ERCC6: variants seen among roughly 807,000 people sequenced by gnomAD.
The protein encoded by ERCC6 is DNA excision repair protein ERCC-6.
A neutral mutation model predicts 158.7 loss-of-function variants in ERCC6; 116 were observed. That is an observed-to-expected ratio of 0.73 (90% CI 0.63 to 0.85). The LOEUF is 0.85. Among genes scored for constraint, ERCC6 ranks in the 40% least tolerant of loss-of-function variants. ERCC6 has a pLI of 0.00. For synonymous variants in ERCC6, 678 were observed against 659.3 expected (o/e 1.03, Z -0.43); for missense variants, 1,698 against 1,799.4 (o/e 0.94, Z 1.02).
In ERCC6 at chr10:49,458,810, G is replaced by C. The variant is rs1225660550; in HGVS notation, c.*5C>G. On this transcript the variant is annotated 3_prime_UTR_variant, in exon 21 of 21. Coordinates refer to ENST00000355832, the MANE Select transcript of ERCC6 (RefSeq NM_000124.4). ...GGGACTTGAAAGTTTAGGAAGCAAT[G>C]TTGTTTAGCAGTATTCTGGCTTGAG... 6.2e-7 allele frequency: 1 copy of C among 1,613,978 alleles called. No individual in the cohort carries two copies. Among genetic ancestry groups the C allele is most frequent in the East Asian group, 2.2e-5 (1 of 44,880 alleles).
At chr10:49,520,794 G>C (rs1346920551) in intron 5 of ERCC6, among the ~76,000 whole-genome samples, 2 of 152,278 alleles carry the variant, frequency 1.3e-5, no homozygotes, top group African/African-American at 2.4e-5. Flanking sequence ...CAGCCTCTCT[G>C]CACATTGTGG....
intron 7 of ERCC6, among the ~76,000 whole-genome samples, chr10:49,498,544 G>T (rs1049588085): frequency 1.3e-5 from 2 of 152,160 alleles, no homozygotes; most frequent in African/African-American, 4.8e-5. Context: ...GAGGAGCCCA[G>T]GTGTTTGTGG....
Position 49,456,375 on chromosome 10 carries a change from G to A in ERCC6, c.*2440C>T, listed in dbSNP as rs1454116172. ...GGCCAATTGGGAAGTTTAAAACTTA[G>A]TCATATGGCCACAATTAACTATAAG... On this transcript the variant is annotated 3_prime_UTR_variant, in exon 21 of 21. Transcript: ENST00000355832. 1 of 152,194 alleles carries A rather than the reference G, an allele frequency of 6.6e-6. No individual in the cohort carries two copies. Among genetic ancestry groups the A allele is most frequent in the East Asian group, 1.9e-4 (1 of 5,192 alleles). The allele number at this position is 152,194 out of a possible 1,614,324, so 9.4% of individuals were successfully genotyped here.
intron 10 of ERCC6, 103 bp downstream of exon 10, chr10:49,482,584 C>T: frequency 1.1e-6 from 1 of 887,538 alleles, no homozygotes. Context: ...ATGAGCCTGG[C>T]CATCTTTCTC....
intron 8 of ERCC6, among the ~76,000 whole-genome samples, chr10:49,486,258 G>A (rs1851076297): frequency 6.6e-6 from 1 of 152,076 alleles, no homozygotes; most frequent in Admixed American, 6.5e-5. Flanking sequence ...CATTTACAAA[G>A]AGGATGCAAA....
rs761366414 is a variant in ERCC6, at chr10:49,505,944, C to G, written c.1466G>C (p.Ser489Thr). The G allele has an allele frequency of 6.2e-7, 1 of 1,613,534 alleles. No individual in the cohort carries two copies. The highest frequency in any genetic ancestry group is 2.2e-5 in the East Asian group (1 of 44,858). The change falls in exon 6 of 21, where the codon AGT becomes ACT. Residue 489 changes from serine to threonine, a missense_variant. By Grantham distance (58) the Ser-to-Thr change is moderately conservative. Transcript: ENST00000355832. ...RLKLEDDSEESDAEFDEGFKV... is the reference protein window; with the variant it reads ...RLKLEDDSEETDAEFDEGFKV... ...AAAACCTTCGTCAAATTCAGCATCA[C>G]TTTCCTCAGAATCGTCCTCCAGCTT...
intron 6 of ERCC6, chr10:49,504,727 A>C (rs1355511994): frequency 6.6e-6 from 1 of 152,178 alleles, no homozygotes; most frequent in African/African-American, 2.4e-5. Context: ...GAGAAGCAAT[A>C]AACAAAGCAA....
At chr10:49,538,280 T>A (rs1837650194) in intron 1 of ERCC6, among the ~76,000 whole-genome samples, 1 of 152,064 alleles carries the variant, frequency 6.6e-6, no homozygotes, top group African/African-American at 2.4e-5. Flanking sequence ...AAGGGCCAAA[T>A]CACACAAGGC....
At chr10:49,463,033 T>TA (rs1850611627) in intron 18 of ERCC6, among the ~76,000 whole-genome samples, 1 of 152,214 alleles carries the variant, frequency 6.6e-6, no homozygotes, top group South Asian at 2.1e-4. Flanking sequence ...AATCCTCATA[T>TA]GTGGATAAAC....
intron 18 of ERCC6, among the ~76,000 whole-genome samples, chr10:49,468,911 A>C (rs544489749): frequency 2.6e-5 from 4 of 152,264 alleles, no homozygotes; most frequent in Admixed American, 2.6e-4. Flanking sequence ...AGCTTGAAGG[A>C]GCTCCCACCC....
chr10:49,492,482 A>G (rs571346258), intron 8 of ERCC6, among the ~76,000 whole-genome samples: 2 of 152,354 alleles, frequency 1.3e-5, no homozygotes, highest in East Asian at 3.9e-4. Flanking sequence ...CAGAGCTCAC[A>G]GTCTGGATGG....
In ERCC6 at chr10:49,487,595, C is replaced by T. The variant is rs4253155; in HGVS notation, c.1822-4079G>A. 1.3e-3 allele frequency among the ~76,000 whole-genome samples: 193 copies of T among 152,276 alleles called. 1 individual carries two copies. Among genetic ancestry groups the T allele is most frequent in the Middle Eastern group, 3.4e-3 (1 of 294 alleles). Reference sequence around the variant, plus strand: ...CCTTTAGCACCTCACCTGGTCAGACCTGCGACCTTTAGAAGCCAAAGCCGA... The same window carrying T: ...CCTTTAGCACCTCACCTGGTCAGACTTGCGACCTTTAGAAGCCAAAGCCGA... On this transcript the variant is annotated intron_variant, in intron 8 of 20. Coordinates refer to ENST00000355832, the MANE Select transcript of ERCC6 (RefSeq NM_000124.4).
chr10:49,485,627 A>G (rs1399981590), intron 8 of ERCC6, among the ~76,000 whole-genome samples: 10 of 152,306 alleles, frequency 6.6e-5, no homozygotes, highest in African/African-American at 2.4e-4. Flanking sequence ...GTAGAAAGGT[A>G]CACAGGCAAT....
chr10:49,491,409 A>G (rs1055796311), intron 8 of ERCC6, among the ~76,000 whole-genome samples: 1 of 152,248 alleles, frequency 6.6e-6, no homozygotes, highest in Non-Finnish European at 1.5e-5. Context: ...GTTTTTCCTC[A>G]AAAGTTAATT....
the ERCC6 span, among the ~76,000 whole-genome samples, chr10:49,439,549 C>T: frequency 6.6e-6 from 1 of 152,228 alleles, no homozygotes; most frequent in Non-Finnish European, 1.5e-5. Context: ...TCTGACATGT[C>T]CTGGAGACAT....
At position 49,470,806 on chromosome 10, in the gene ERCC6, T is replaced by C; in HGVS notation, c.3154A>G (p.Lys1052Glu). 1 of 1,614,226 alleles carries C rather than the reference T, an allele frequency of 6.2e-7. No individual in the cohort carries two copies. The highest frequency in any genetic ancestry group is 8.5e-7 in the Non-Finnish European group (1 of 1,180,026). ...PAFGADHDVPKRKKFPASNIS... is the reference protein window; with the variant it reads ...PAFGADHDVPERKKFPASNIS... ...TTAGAAGCAGGGAACTTCTTGCGTTTTGGAACATCATGGTCTGCTCCAAAG... is the reference window on the plus strand; with the variant it reads ...TTAGAAGCAGGGAACTTCTTGCGTTCTGGAACATCATGGTCTGCTCCAAAG... The change falls in exon 18 of 21, where the codon AAA becomes GAA. Residue 1052 changes from lysine to glutamate, a missense_variant. Transcript: ENST00000355832.
the ERCC6 span, among the ~76,000 whole-genome samples, chr10:49,444,960 C>G: frequency 2.0e-5 from 3 of 151,950 alleles, no homozygotes; most frequent in Non-Finnish European, 4.4e-5. Context: ...TATATCATGA[C>G]CAAATAGGGG....
chr10:49,454,482 T>C lies in ERCC6; in HGVS notation c.*4333A>G, dbSNP rs1590392813. Among the ~76,000 whole-genome samples the C allele has an allele frequency of 6.6e-6, 1 of 152,338 alleles. No homozygotes were observed. Among genetic ancestry groups the C allele is most frequent in the Middle Eastern group, 3.4e-3 (1 of 294 alleles). On this transcript the variant is annotated 3_prime_UTR_variant, in exon 21 of 21. Transcript: ENST00000355832. ...GTTCTTACCAAGATTTGGATTTTCT[T>C]GAATAAGCGTTACTTTATTCTACAT...
the ERCC6 span, among the ~76,000 whole-genome samples, chr10:49,447,909 G>C: frequency 6.6e-6 from 1 of 152,142 alleles, no homozygotes; most frequent in South Asian, 2.1e-4. Context: ...CCACTGTGTA[G>C]ATAGACCACA....
Sources: gnomAD v4.1 joint callset for allele counts (sites outside exome capture counted in the v4.1 genomes callset) on GRCh38, gnomAD v4.1.1 for gene constraint, MANE v1.5 for transcripts, NCBI Gene and HGNC (gene_info 2026-07-23, HGNC 2026-07-21) for gene names.